PPRC1: variants seen among roughly 807,000 people sequenced by gnomAD.
The protein encoded by PPRC1 is PPARG related coactivator 1, also known as peroxisome proliferator-activated receptor gamma coactivator-related protein 1.
PPRC1 carries 23 observed loss-of-function variants against 132.5 expected under a neutral mutation model. That is an observed-to-expected ratio of 0.17 (90% CI 0.12 to 0.25). PPRC1 has a LOEUF of 0.25. Ranked by LOEUF, PPRC1 falls within the 10% of genes least tolerant of loss-of-function variation. The pLI, the probability that PPRC1 is intolerant of heterozygous loss-of-function variation, is 1.00. For synonymous variants in PPRC1, 872 were observed against 833.5 expected (o/e 1.05, Z -0.80); for missense variants, 2,006 against 2,089.1 (o/e 0.96, Z 0.78).
chr10:102,149,625 G>A (rs923523900), intron 13 of PPRC1, among the ~76,000 whole-genome samples: 1 of 151,914 alleles, frequency 6.6e-6, no homozygotes. Flanking sequence ...CCAGCTACTC[G>A]GGAAGCTGAG....
Position 102,141,597 on chromosome 10 carries a change from T to C in PPRC1, c.3089T>C (p.Leu1030Pro). 1 of 1,614,132 alleles carries C rather than the reference T, an allele frequency of 6.2e-7. No individual in the cohort carries two copies. Among genetic ancestry groups the C allele is most frequent in the Non-Finnish European group, 8.5e-7 (1 of 1,180,008 alleles). ...GTPAGPPENV[L>P]PLSMAPPLSL... ...CCAGCTGGCCCTCCTGAAAATGTAC[T>C]TCCCTTGTCGATGGCTCCTCCCCTC... is the stretch of plus-strand genomic sequence containing the variant. Residue 1030 changes from leucine (L) to proline (P), a missense_variant, in exon 5 of 14, where the codon CTT (leucine) becomes CCT (proline). Leu to Pro is a moderately conservative substitution (Grantham distance 98). Coordinates refer to ENST00000278070, the MANE Select transcript of PPRC1 (RefSeq NM_015062.5).
Position 102,140,811 on chromosome 10 carries a change from AAGAGAG to A in PPRC1, c.2305_2310del (p.Glu769_Arg770del), listed in dbSNP as rs2068936658. On this transcript the variant is annotated inframe_deletion, in exon 5 of 14. Transcript: ENST00000278070. ...AGGCAGCAACGCCAAGCAGAAACAG[AAGAGAG>A]AAGTCCACAGCCCCCAACTGGGAAG... 6.2e-7 allele frequency: 1 copy of A among 1,613,790 alleles called. No homozygotes were observed. The highest frequency in any genetic ancestry group is 8.5e-7 in the Non-Finnish European group (1 of 1,179,992).
upstream of PPRC1, among the ~76,000 whole-genome samples, chr10:102,132,513 A>T (rs756126133): frequency 1.6e-4 from 24 of 152,380 alleles, no homozygotes; most frequent in African/African-American, 5.1e-4. Flanking sequence ...AGAGAAGGCA[A>T]CGTAAGTTTC....
chr10:102,136,664 A>G (rs905519249), intron 1 of PPRC1, among the ~76,000 whole-genome samples: 2 of 152,162 alleles, frequency 1.3e-5, no homozygotes, highest in African/African-American at 4.8e-5. Context: ...CATCGTTGGT[A>G]TGTATTGTTT....
Position 102,150,100 on chromosome 10 carries a change from T to A in PPRC1, c.*71T>A. 107 of 1,088,314 alleles carry A rather than the reference T, an allele frequency of 9.8e-5. No homozygotes were observed. Among genetic ancestry groups the A allele is most frequent in the Non-Finnish European group, 1.4e-4 (98 of 710,932 alleles). The allele number at this position is 1,088,314 out of a possible 1,614,324, so 67.4% of individuals were successfully genotyped here. On this transcript the variant is annotated 3_prime_UTR_variant, in exon 14 of 14. Coordinates refer to ENST00000278070, the MANE Select transcript of PPRC1 (RefSeq NM_015062.5). ...AACCTCCTCCACCCCCTTCCCCTAC[T>A]CTAGGGGAGAGAGCTGCTAGTGAGA...
the PPRC1 span, among the ~76,000 whole-genome samples, chr10:102,121,584 C>G: frequency 2.0e-5 from 3 of 152,136 alleles, no homozygotes. Context: ...TTAGCTGCCT[C>G]ATAAACAGGA....
In PPRC1 at chr10:102,139,383, T is replaced by C. The variant is rs1464933370; in HGVS notation, c.875T>C (p.Met292Thr). The change falls in exon 5 of 14, where the codon ATG (methionine) becomes ACG (threonine). Residue 292 changes from methionine to threonine, a missense_variant. Met to Thr is a moderately conservative substitution (Grantham distance 81). Coordinates refer to ENST00000278070, the MANE Select transcript of PPRC1 (RefSeq NM_015062.5). ...GAAGATAAAGCAACAGCAGCAGAGA[T>C]GGCAGTGCCAGCAGCTGGTGATGAG... is the stretch of plus-strand genomic sequence containing the variant. ...EEEDKATAAEMAVPAAGDESI... is the reference protein window; with the variant it reads ...EEEDKATAAETAVPAAGDESI... The C allele has an allele frequency of 1.2e-6, 2 of 1,614,134 alleles. No homozygotes were observed. Among genetic ancestry groups the C allele is most frequent in the Non-Finnish European group, 1.7e-6 (2 of 1,180,044 alleles).
intron 1 of PPRC1, among the ~76,000 whole-genome samples, chr10:102,136,321 G>A (rs140674392): frequency 6.6e-6 from 1 of 152,138 alleles, no homozygotes; most frequent in Admixed American, 6.5e-5. Context: ...CGGGGTGTGG[G>A]GGGTGGGGGT....
rs528241249 is a variant in PPRC1 at position 102,148,182 on chromosome 10, C to T, written c.4401-190C>T. On this transcript the variant is annotated intron_variant, in intron 9 of 13. Transcript: ENST00000278070. This position sits in a 1 kb window ranked among gnomAD's most constrained non-coding sequence, Gnocchi z 4.2. ...AAAACACTTCACAACATTCCAGGTA[C>T]ACCTAAAGTTCCATGAAGGGCCTCA... Among the ~76,000 whole-genome samples the T allele has an allele frequency of 2.0e-5, 3 of 152,332 alleles. No individual in the cohort carries two copies. The highest frequency in any genetic ancestry group is 4.4e-5 in the Non-Finnish European group (3 of 68,032).
At chr10:102,119,993 C>T in the PPRC1 span, 1 of 1,001,070 alleles carries the variant, frequency 1.0e-6, no homozygotes, top group East Asian at 3.3e-5. Context: ...ATGCCATCGA[C>T]GCCCCCCACA....
intron 1 of PPRC1, among the ~76,000 whole-genome samples, chr10:102,136,566 C>T (rs528651363): frequency 1.3e-5 from 2 of 152,170 alleles, no homozygotes; most frequent in African/African-American, 4.8e-5. Flanking sequence ...GCCAGAGAGC[C>T]CACATTCGCA....
chr10:102,141,876 C>T lies in PPRC1; in HGVS notation c.3368C>T (p.Thr1123Ile). ...PPLPATKAVP[T>I]PRQSTVPKLP... ...TTGCCTGCTACCAAGGCTGTTCCCA[C>T]ACCAAGGCAGAGCACTGTCCCCAAG... Residue 1123 changes from threonine (T) to isoleucine (I), a missense_variant, in exon 5 of 14, where the codon ACA becomes ATA. Coordinates refer to ENST00000278070, the MANE Select transcript of PPRC1 (RefSeq NM_015062.5). 1.2e-6 allele frequency: 2 copies of T among 1,614,196 alleles called. No individual in the cohort carries two copies. The highest frequency in any genetic ancestry group is 2.2e-5 in the South Asian group (2 of 91,082).
At chr10:102,142,661 G>C (rs939722106) in intron 5 of PPRC1, among the ~76,000 whole-genome samples, 2 of 149,528 alleles carry the variant, frequency 1.3e-5, no homozygotes, top group African/African-American at 4.9e-5. Context: ...TGATCCGCCT[G>C]CCTCAGCCTC....
chr10:102,147,898 A>G (rs1429372826), intron 9 of PPRC1, among the ~76,000 whole-genome samples: 1 of 151,750 alleles, frequency 6.6e-6, no homozygotes, highest in African/African-American at 2.4e-5. Flanking sequence ...GGTTTTGGAG[A>G]TGATATATGT....
chr10:102,146,101 G>A (rs976437862), intron 8 of PPRC1, among the ~76,000 whole-genome samples: 1 of 152,208 alleles, frequency 6.6e-6, no homozygotes, highest in South Asian at 2.1e-4. Context: ...TTTGGCTGGA[G>A]TGTAGTAGCT....
the PPRC1 span, among the ~76,000 whole-genome samples, chr10:102,121,530 G>A: frequency 2.6e-5 from 4 of 152,088 alleles, no homozygotes; most frequent in Non-Finnish European, 4.4e-5. Flanking sequence ...CCCAGCCCTA[G>A]GAGGGGAGGG....
In PPRC1 at chr10:102,140,298, T is replaced by TTGGCCCTGTTCTAGC. The variant is rs777839193; in HGVS notation, c.1800_1814dup (p.Leu601_Val605dup). ...TCTGTTGAAGCTGATCCCACTGCAG[T>TTGGCCCTGTTCTAGC]TGGCCCTGTTCTAGCTGGCCCTGTA... On this transcript the variant is annotated inframe_insertion, in exon 5 of 14. Transcript: ENST00000278070. 6.2e-7 allele frequency: 1 copy of TTGGCCCTGTTCTAGC among 1,614,224 alleles called. No individual in the cohort carries two copies.
Position 102,143,066 on chromosome 10 carries a change from C to G in PPRC1, c.3518C>G (p.Ser1173Cys), listed in dbSNP as rs778725015. The G allele has an allele frequency of 1.2e-5, 20 of 1,613,594 alleles. No homozygotes were observed. In the African/African-American group the frequency reaches 1.9e-4, roughly 15 times the overall value. The part of the protein sequence containing the change: ...SEIGIEASDL[S>C]SLLEQFEKSE... ...ACAGGAATTGAGGCATCGGACCTGT[C>G]CAGTCTGCTGGAGCAGTTTGAGAAA... Residue 1173 changes from serine to cysteine, a missense_variant, in exon 6 of 14, where the codon TCC becomes TGC. By Grantham distance (112) the Ser-to-Cys change is moderately radical (BLOSUM62 -1). Transcript: ENST00000278070.
chr10:102,150,144 A>C lies in PPRC1; in HGVS notation c.*115A>C, dbSNP rs1333262260. ...AGTGAGATGACTGTTTTATAAAGAA[A>C]TGGAAAAAAGTGAAATAAAAAATAT... On this transcript the variant is annotated 3_prime_UTR_variant, in exon 14 of 14. Transcript: ENST00000278070. 9.8e-6 allele frequency: 7 copies of C among 713,912 alleles called. No homozygotes were observed. The highest frequency in any genetic ancestry group is 1.6e-5 in the Non-Finnish European group (7 of 425,376). The allele number at this position is 713,912 out of a possible 1,614,324, so 44.2% of individuals were successfully genotyped here. A position where few individuals can be genotyped will look rare whatever the true frequency, so the allele number is the denominator to read the frequency against.
Sources: gnomAD v4.1 joint callset for allele counts (sites outside exome capture counted in the v4.1 genomes callset) on GRCh38, gnomAD v4.1.1 for gene constraint, Gnocchi (gnomAD v3.1) non-coding constraint, MANE v1.5 for transcripts, NCBI Gene and HGNC (gene_info 2026-07-23, HGNC 2026-07-21) for gene names.